Variants in CDK5RAP2 observed in about 807,000 individuals in gnomAD.
CDK5RAP2 encodes the protein CDK5 regulatory subunit associated protein 2.
In CDK5RAP2, 147 loss-of-function variants were observed where a neutral mutation model predicts 232.9. The observed-to-expected ratio is 0.63, with a 90% CI of 0.55 to 0.72. The LOEUF is 0.72. CDK5RAP2 is among the 30% of genes least tolerant of loss of function. CDK5RAP2 has a pLI of 0.00. For synonymous variants in CDK5RAP2, 833 were observed against 833.7 expected (o/e 1.00, Z 0.01); for missense variants, 2,195 against 2,231.5 (o/e 0.98, Z 0.33).
intron 12 of CDK5RAP2, among the ~76,000 whole-genome samples, chr9:120,512,378 CTACTT>C (rs1438859213): frequency 6.6e-6 from 1 of 152,198 alleles, no homozygotes; most frequent in Non-Finnish European, 1.5e-5. Flanking sequence ...AATACTCACT[CTACTT>C]CCATTTTGCT....
chr9:120,545,010 A>G (rs935810620), intron 5 of CDK5RAP2, among the ~76,000 whole-genome samples: 2 of 152,190 alleles, frequency 1.3e-5, no homozygotes, highest in Admixed American at 1.3e-4. Flanking sequence ...TATTTGCTGA[A>G]CTGTGCTTGT....
intron 12 of CDK5RAP2, among the ~76,000 whole-genome samples, chr9:120,505,858 G>C (rs561008724): frequency 6.6e-6 from 1 of 152,374 alleles, no homozygotes; most frequent in African/African-American, 2.4e-5. Flanking sequence ...GAAGCTAGCA[G>C]AGGTTGGTTC....
intron 25 of CDK5RAP2, among the ~76,000 whole-genome samples, chr9:120,424,179 C>T (rs1160957334): frequency 6.6e-6 from 1 of 152,196 alleles, no homozygotes; most frequent in Non-Finnish European, 1.5e-5. Context: ...TCAACTCTCC[C>T]TTTGTCTGAT....
At chr9:120,492,861 G>A (rs1243186865) in intron 12 of CDK5RAP2, among the ~76,000 whole-genome samples, 1 of 152,090 alleles carries the variant, frequency 6.6e-6, no homozygotes, top group Non-Finnish European at 1.5e-5. Context: ...CATAGAAGAA[G>A]TTAAAACTTG....
chr9:120,472,087 G>A (rs2037740110), intron 15 of CDK5RAP2, among the ~76,000 whole-genome samples: 1 of 152,164 alleles, frequency 6.6e-6, no homozygotes, highest in South Asian at 2.1e-4. Context: ...ACACACGGCA[G>A]ACTGTATTTC....
intron 12 of CDK5RAP2, among the ~76,000 whole-genome samples, chr9:120,492,693 G>A (rs1275522521): frequency 5.9e-5 from 9 of 152,122 alleles, no homozygotes; most frequent in African/African-American, 1.2e-4. Flanking sequence ...AAGTACAAAA[G>A]AGGTTGTAAA....
chr9:120,400,918 G>C (rs374808413), intron 34 of CDK5RAP2, 33 bp from the exon 35 acceptor site: 6 of 1,613,584 alleles, frequency 3.7e-6, no homozygotes, highest in Non-Finnish European at 5.1e-6. Flanking sequence ...GTTACGTGCA[G>C]TCTTGAAAAA....
chr9:120,447,869 G>T, intron 22 of CDK5RAP2, 26 bp downstream of exon 22: 1 of 1,524,040 alleles, frequency 6.6e-7, no homozygotes, highest in Non-Finnish European at 9.1e-7. Flanking sequence ...CTAGCTCACA[G>T]GGAATACATT....
intron 36 of CDK5RAP2, among the ~76,000 whole-genome samples, chr9:120,392,778 T>C (rs1002980807): frequency 1.3e-5 from 2 of 152,180 alleles, no homozygotes; most frequent in African/African-American, 4.8e-5. Context: ...CTCTGCCAGG[T>C]TGACCTCCTT....
In CDK5RAP2 at chr9:120,568,499, C is replaced by T. The variant is rs964312110; in HGVS notation, c.128-111G>A. ...CAACACGAACTGCTTCCACAGTACA[C>T]GCGGCTGGTACTTGCTGTCTTTTGT... is the stretch of plus-strand genomic sequence containing the variant. On this transcript the variant is annotated intron_variant, in intron 2 of 37. Transcript: ENST00000349780. The T allele has an allele frequency of 1.1e-5, 9 of 812,736 alleles. No individual in the cohort carries two copies. In the Middle Eastern group the frequency reaches 6.6e-4, roughly 60 times the overall value. The allele number at this position is 812,736 out of a possible 1,614,324, so 50.3% of individuals were successfully genotyped here.
At chr9:120,576,633 C>T (rs1261453156) in intron 1 of CDK5RAP2, among the ~76,000 whole-genome samples, 1 of 151,994 alleles carries the variant, frequency 6.6e-6, no homozygotes, top group African/African-American at 2.4e-5. Context: ...ACCCACGAGG[C>T]AGAGGTTGCG....
chr9:120,506,230 C>T (rs999224476), intron 12 of CDK5RAP2, among the ~76,000 whole-genome samples: 2 of 152,206 alleles, frequency 1.3e-5, no homozygotes, highest in South Asian at 2.1e-4. Flanking sequence ...TACAATGGAA[C>T]AACAAAGCCT....
intron 12 of CDK5RAP2, among the ~76,000 whole-genome samples, 182 bp downstream of exon 12, chr9:120,518,245 G>A (rs978961607): frequency 1.3e-5 from 2 of 148,286 alleles, no homozygotes; most frequent in Admixed American, 6.8e-5. Flanking sequence ...GAGAGAGAGC[G>A]AGGAGAATAA....
intron 35 of CDK5RAP2, among the ~76,000 whole-genome samples, chr9:120,399,367 G>C (rs913834592): frequency 2.0e-5 from 3 of 151,808 alleles, no homozygotes; most frequent in Non-Finnish European, 2.9e-5. Context: ...TGGGTGTATA[G>C]AAAAAAAATC....
intron 26 of CDK5RAP2, among the ~76,000 whole-genome samples, chr9:120,421,662 A>G (rs943977979): frequency 6.6e-6 from 1 of 152,208 alleles, no homozygotes; most frequent in Non-Finnish European, 1.5e-5. Flanking sequence ...GGAGGGCAAG[A>G]CCTTGGCATT....
At chr9:120,414,241 G>A (rs1222650269) in intron 28 of CDK5RAP2, among the ~76,000 whole-genome samples, 2 of 152,236 alleles carry the variant, frequency 1.3e-5, no homozygotes, top group East Asian at 1.9e-4. Context: ...AAGACTGGGA[G>A]AAATGAGTAT....
chr9:120,422,853 T>G (rs1360147562), intron 25 of CDK5RAP2, 112 bp from the exon 26 acceptor site: 2 of 764,218 alleles, frequency 2.6e-6, no homozygotes, highest in Non-Finnish European at 4.6e-6. Context: ...GTTTAAACAC[T>G]CTGTAACAAT....
intron 14 of CDK5RAP2, among the ~76,000 whole-genome samples, chr9:120,478,993 T>G (rs1431536711): frequency 6.6e-6 from 1 of 152,042 alleles, no homozygotes; most frequent in Non-Finnish European, 1.5e-5. Context: ...CAATTATAAC[T>G]CAAAGCTGAA....
intron 25 of CDK5RAP2, 73 bp from the exon 26 acceptor site, chr9:120,422,814 C>A: frequency 9.2e-7 from 1 of 1,085,146 alleles, no homozygotes; most frequent in South Asian, 1.3e-5. Flanking sequence ...ATTTCCTGCT[C>A]ATACATTTGC....
Sources: gnomAD v4.1 joint callset for allele counts (sites outside exome capture counted in the v4.1 genomes callset) on GRCh38, gnomAD v4.1.1 for gene constraint, MANE v1.5 for transcripts, NCBI Gene and HGNC (gene_info 2026-07-23, HGNC 2026-07-21) for gene names.